Variants in ELAC2 observed in about 807,000 individuals in gnomAD.
ELAC2 encodes elaC ribonuclease Z 2.
Under a neutral mutation model 105.2 loss-of-function variants are expected in ELAC2, and 92 were observed. That is an observed-to-expected ratio of 0.87 (90% CI 0.74 to 1.04). The LOEUF is 1.04. Ranked by LOEUF, ELAC2 falls within the 50% of genes least tolerant of loss-of-function variation. The pLI, the probability that ELAC2 is intolerant of heterozygous loss-of-function variation, is 0.00. For missense variants in ELAC2, 1,099 were observed against 1,071.7 expected, an observed-to-expected ratio of 1.03 and a Z score of -0.36; for synonymous variants, 468 against 409.1, an observed-to-expected ratio of 1.14 and a Z score of -1.74.
chr17:12,992,938 C>T lies in ELAC2; in HGVS notation c.2361G>A (p.Leu787=), dbSNP rs755369174. Residue 787 remains leucine, a synonymous_variant, in exon 24 of 24, where the codon CTG becomes CTA. Transcript: ENST00000338034. ...ACAGGAGGGCCGCCCGCACCTGCCG[C>T]AGCTCCCGCTTCTCCCTGCGCTCCT... is the stretch of plus-strand genomic sequence containing the variant. ...EMEERREKRE[L]RQVRAALLSR... is the part of the protein sequence containing the mutation. 1 of 1,611,550 alleles carries T rather than the reference C, an allele frequency of 6.2e-7. No homozygotes were observed. Among genetic ancestry groups the T allele is most frequent in the Non-Finnish European group, 8.5e-7 (1 of 1,180,018 alleles).
At chr17:13,007,964 G>T (rs1050357026) in intron 8 of ELAC2, among the ~76,000 whole-genome samples, 1 of 152,138 alleles carries the variant, frequency 6.6e-6, no homozygotes, top group Non-Finnish European at 1.5e-5. Flanking sequence ...ACTTTAGGAG[G>T]CTGAGGAAGG....
In ELAC2 at chr17:13,010,474, T is replaced by C. The variant is rs377205095; in HGVS notation, c.738+139A>G. The C allele has an allele frequency of 6.4e-5, 52 of 808,870 alleles. No individual in the cohort carries two copies. In the African/African-American group the frequency reaches 8.0e-4, roughly 12 times the overall value. 50.1% of individuals were successfully genotyped at this position (808,870 alleles called of 1,614,324 possible). A position where few individuals can be genotyped will look rare whatever the true frequency, so the allele number is the denominator to read the frequency against. On this transcript the variant is annotated intron_variant, in intron 8 of 23. Transcript: ENST00000338034. ...GTGAGCCACTGCACCCGGCCTTCCA[T>C]CAGCTTTTCTGAAGATCTGCTATCT...
intron 19 of ELAC2, 24 bp downstream of exon 19, chr17:12,995,679 G>GT: frequency 1.3e-6 from 2 of 1,592,142 alleles, no homozygotes; most frequent in Non-Finnish European, 1.7e-6. Context: ...CAGCCCAGCG[G>GT]GCCAGGCTGC....
Position 13,000,273 on chromosome 17 carries a change from C to A in ELAC2, c.1306G>T (p.Asp436Tyr). The change falls in exon 15 of 24, where the codon GAT becomes TAT. Residue 436 changes from aspartate to tyrosine, a missense_variant and splice_region_variant. Coordinates refer to ENST00000338034, the MANE Select transcript of ELAC2 (RefSeq NM_018127.7). ...TCAGGATTGCAAGTAATAATGGCATCCCTGCAGGAAGAGAGAGAAGCATCT... is the reference window on the plus strand; with the variant it reads ...TCAGGATTGCAAGTAATAATGGCATACCTGCAGGAAGAGAGAGAAGCATCT... ...QLRPRREWQR[D>Y]AIITCNPEEF... 6.2e-7 allele frequency: 1 copy of A among 1,613,440 alleles called. No homozygotes were observed. Among genetic ancestry groups the A allele is most frequent in the Non-Finnish European group, 8.5e-7 (1 of 1,179,826 alleles).
At chr17:13,015,860 CTCA>C in intron 3 of ELAC2, 28 bp from the exon 4 acceptor site, 1 of 1,592,834 alleles carries the variant, frequency 6.3e-7, no homozygotes, top group African/African-American at 1.3e-5. Context: ...AATCAGATCT[CTCA>C]TCAATTTGAC....
At chr17:13,009,112 G>C (rs908350673) in intron 8 of ELAC2, among the ~76,000 whole-genome samples, 3 of 152,124 alleles carry the variant, frequency 2.0e-5, no homozygotes, top group Non-Finnish European at 4.4e-5. Context: ...AAATGATTTT[G>C]CTATCTAAAA....
chr17:13,008,828 T>C (rs748123283), intron 8 of ELAC2, among the ~76,000 whole-genome samples: 6 of 152,100 alleles, frequency 3.9e-5, no homozygotes, highest in African/African-American at 9.7e-5. Flanking sequence ...TATAGGCTAA[T>C]CCAGTGACAG....
At chr17:12,994,279 C>T in intron 22 of ELAC2, 146 bp downstream of exon 22, 1 of 934,022 alleles carries the variant, frequency 1.1e-6, no homozygotes, top group East Asian at 2.4e-5. Flanking sequence ...AGCCTGTGAG[C>T]ACTGCCACAG....
At chr17:13,008,921 C>G (rs537968986) in intron 8 of ELAC2, among the ~76,000 whole-genome samples, 59 of 152,298 alleles carry the variant, frequency 3.9e-4, no homozygotes, top group Non-Finnish European at 2.1e-4. Flanking sequence ...CCAGGAACGG[C>G]TGCCTGATAA....
At chr17:13,011,872 G>T (rs572949152) in intron 6 of ELAC2, 90 bp from the exon 7 acceptor site, 34 of 1,594,470 alleles carry the variant, frequency 2.1e-5, no homozygotes, top group African/African-American at 4.0e-5. Flanking sequence ...ATGCCAGAAC[G>T]CCAATTAAAT....
chr17:12,994,552 A>C (rs1166715384), intron 21 of ELAC2, 49 bp from the exon 22 acceptor site: 1 of 1,610,866 alleles, frequency 6.2e-7, no homozygotes, highest in Admixed American at 1.7e-5. Flanking sequence ...CGAGAGCGGC[A>C]CACAGGCCTC....
rs1360910765 is a variant in ELAC2 at position 13,011,583 on chromosome 17, T to C, written c.679+80A>G. 6 of 1,609,656 alleles carry C rather than the reference T, an allele frequency of 3.7e-6. No individual in the cohort carries two copies. The East Asian group carries it at 6.7e-5, about 18-fold the overall frequency. On this transcript the variant is annotated intron_variant, in intron 7 of 23. Transcript: ENST00000338034. ...TACACACCTGGCTTTCTTACAATAATGACTCTCTACAAGCATTACAAGGCA... is the reference window on the plus strand; with the variant it reads ...TACACACCTGGCTTTCTTACAATAACGACTCTCTACAAGCATTACAAGGCA...
chr17:13,009,437 G>C (rs1481063748), intron 8 of ELAC2, among the ~76,000 whole-genome samples: 1 of 152,186 alleles, frequency 6.6e-6, no homozygotes, highest in Non-Finnish European at 1.5e-5. Flanking sequence ...TAAGCCACTA[G>C]TCAGATCTTA....
At chr17:13,005,430 T>C (rs2041046197) in intron 10 of ELAC2, among the ~76,000 whole-genome samples, 1 of 152,172 alleles carries the variant, frequency 6.6e-6, no homozygotes, top group African/African-American at 2.4e-5. Flanking sequence ...GGCATTCCTC[T>C]GGACCATAAA....
intron 9 of ELAC2, 35 bp from the exon 10 acceptor site, chr17:13,005,860 AT>A (rs1296617942): frequency 6.2e-7 from 1 of 1,613,936 alleles, no homozygotes; most frequent in Non-Finnish European, 8.5e-7. Flanking sequence ...GTGAAATGTG[AT>A]TTCCTTAAGT....
chr17:13,015,713 A>C, intron 4 of ELAC2, 55 bp downstream of exon 4: 1 of 1,477,688 alleles, frequency 6.8e-7, no homozygotes, highest in Non-Finnish European at 9.5e-7. Flanking sequence ...AATTCTTGTT[A>C]CTGATATTAC....
intron 12 of ELAC2, 143 bp from the exon 13 acceptor site, chr17:13,002,722 C>A: frequency 4.5e-6 from 6 of 1,331,202 alleles, no homozygotes; most frequent in Non-Finnish European, 6.2e-6. Context: ...ACTACATGGC[C>A]AAACATGGTC....
In ELAC2 at chr17:12,992,812, A is replaced by AGAT. The variant is rs1194408484; in HGVS notation, c.*3_*5dup. Reference sequence around the variant, plus strand: ...CAGCCTTCTGAGTTCAGGGTCTCCCAGATCTTCACTGGGCTCTGACCTTCT... The same window carrying AGAT: ...CAGCCTTCTGAGTTCAGGGTCTCCCAGATGATCTTCACTGGGCTCTGACCTTCT... On this transcript the variant is annotated 3_prime_UTR_variant, in exon 24 of 24. Transcript: ENST00000338034. 6.2e-7 allele frequency: 1 copy of AGAT among 1,613,870 alleles called. No homozygotes were observed. Among genetic ancestry groups the AGAT allele is most frequent in the African/African-American group, 1.3e-5 (1 of 75,052 alleles).
intron 7 of ELAC2, 127 bp from the exon 8 acceptor site, chr17:13,010,798 A>G: frequency 1.2e-6 from 1 of 857,784 alleles, no homozygotes; most frequent in East Asian, 2.6e-5. Context: ...GTCCCAATAC[A>G]AAGGCTGAAG....
Sources: gnomAD v4.1 joint callset for allele counts (sites outside exome capture counted in the v4.1 genomes callset) on GRCh38, gnomAD v4.1.1 for gene constraint, MANE v1.5 for transcripts, NCBI Gene and HGNC (gene_info 2026-07-23, HGNC 2026-07-21) for gene names.